SERF2: variants seen among roughly 807,000 people sequenced by gnomAD.
SERF2 encodes the protein small EDRK-rich factor 2.
SERF2 carries 4 observed loss-of-function variants against 10.7 expected under a neutral mutation model. That is an observed-to-expected ratio of 0.37 (90% CI 0.18 to 0.86). The LOEUF (loss-of-function observed/expected upper bound fraction) is 0.86, where lower values mean the gene tolerates loss of function less well. SERF2 is among the 40% of genes least tolerant of loss of function. SERF2 has a pLI of 0.43. For synonymous variants in SERF2, 26 were observed against 26.0 expected, an observed-to-expected ratio of 1.00 and a Z score of 0.01; for missense variants, 47 against 79.1, an observed-to-expected ratio of 0.59 and a Z score of 1.54.
chr15:43,791,558 G>GGGTGGCT (rs1229344552), upstream of SERF2, among the ~76,000 whole-genome samples: 14 of 152,186 alleles, frequency 9.2e-5, no homozygotes, highest in African/African-American at 3.4e-4. Context: ...ATACAAAACC[G>GGGTGGCT]GGTGGCTGGT....
rs1168968361 is a variant in SERF2, at chr15:43,780,696, G to A, written c.-527+3194G>A. Among the ~76,000 whole-genome samples, 3 of 152,086 alleles carry A rather than the reference G, an allele frequency of 2.0e-5. No individual in the cohort carries two copies. In the East Asian group the frequency reaches 5.8e-4, roughly 29 times the overall value. On this transcript the variant is annotated intron_variant, in intron 1 of 4. Coordinates refer to the SERF2 transcript ENST00000381359. ...CAGGGAAGTTCCAAGGCCCTCAGTGGATGCCTGAAACTGCAGATAATACTG... is the reference window on the plus strand; with the variant it reads ...CAGGGAAGTTCCAAGGCCCTCAGTGAATGCCTGAAACTGCAGATAATACTG...
chr15:43,795,285 A>G lies in SERF2; in HGVS notation c.*1512A>G, dbSNP rs2087181958. The G allele has an allele frequency of 1.9e-6, 3 of 1,590,804 alleles. No individual in the cohort carries two copies. The highest frequency in any genetic ancestry group is 1.7e-5 in the Admixed American group (1 of 59,618). The stretch of plus-strand genomic sequence containing the variant: ...TTTAGACCTGTTCTACCTCCTCACC[A>G]AATATAATGGCAGACCCATGTGTGT... On this transcript the variant is annotated 3_prime_UTR_variant, in exon 3 of 3. Transcript: ENST00000249786.
At chr15:43,780,315 A>ATT (rs57338507) in intron 1 of SERF2, among the ~76,000 whole-genome samples, 39 of 150,994 alleles carry the variant, frequency 2.6e-4, no homozygotes, top group African/African-American at 8.3e-4. Context: ...AATTTTTTGT[A>ATT]TTTTTTTTAG....
chr15:43,793,477 C>T, intron 2 of SERF2: 1 of 1,236,302 alleles, frequency 8.1e-7, no homozygotes. Context: ...GAATAGAGAC[C>T]CTTGGGCCTG....
intron 1 of SERF2, among the ~76,000 whole-genome samples, chr15:43,779,482 A>AG (rs905291401): frequency 6.6e-6 from 1 of 152,116 alleles, no homozygotes; most frequent in Admixed American, 6.6e-5. Flanking sequence ...GGGAAAAAAA[A>AG]TTACATATTT....
chr15:43,791,623 C>A (rs946643071), upstream of SERF2, among the ~76,000 whole-genome samples: 1 of 152,348 alleles, frequency 6.6e-6, no homozygotes, highest in East Asian at 1.9e-4. Flanking sequence ...TGTGAATTAT[C>A]TAATCTCAGC....
At chr15:43,784,264 C>T (rs535550576) in intron 1 of SERF2, among the ~76,000 whole-genome samples, 4 of 152,178 alleles carry the variant, frequency 2.6e-5, no homozygotes, top group Admixed American at 6.5e-5. Context: ...ATTGTCTTCT[C>T]GTTTCCAGTG....
At position 43,793,877 on chromosome 15, in the gene SERF2, G is replaced by A. The variant is rs757746110; in HGVS notation, c.*104G>A. 1.9e-6 allele frequency: 3 copies of A among 1,608,306 alleles called. No homozygotes were observed. Among genetic ancestry groups the A allele is most frequent in the African/African-American group, 2.7e-5 (2 of 74,860 alleles). ...TGTAGTGCTCACAGGTCCCAGCACC[G>A]ATGGCATTCCCTTTGCCCTGAGTCT... On this transcript the variant is annotated 3_prime_UTR_variant, in exon 3 of 3. Transcript: ENST00000249786.
chr15:43,790,120 C>T (rs1386155568), upstream of SERF2, among the ~76,000 whole-genome samples: 3 of 143,348 alleles, frequency 2.1e-5, no homozygotes, highest in Non-Finnish European at 3.0e-5. Flanking sequence ...CCAACCTGGG[C>T]GACAGAGCAA....
chr15:43,780,530 T>C (rs2086956366), intron 1 of SERF2, among the ~76,000 whole-genome samples: 1 of 152,144 alleles, frequency 6.6e-6, no homozygotes, highest in Non-Finnish European at 1.5e-5. Context: ...CTCTTTATCT[T>C]GGAAAACTGA....
chr15:43,792,738 A>G (rs926292503), intron 1 of SERF2: 1 of 836,028 alleles, frequency 1.2e-6, no homozygotes, highest in Non-Finnish European at 1.8e-6. Context: ...CGCCGCCCCA[A>G]AACACGCCTC....
intron 1 of SERF2, among the ~76,000 whole-genome samples, chr15:43,783,106 C>A (rs1596032986): frequency 1.3e-5 from 2 of 150,628 alleles, no homozygotes; most frequent in Non-Finnish European, 2.9e-5. Flanking sequence ...CTCCCGGGTT[C>A]AAGCCACTCT....
At chr15:43,782,923 C>A (rs549832252) in intron 1 of SERF2, among the ~76,000 whole-genome samples, 3 of 151,472 alleles carry the variant, frequency 2.0e-5, no homozygotes, top group African/African-American at 7.3e-5. Flanking sequence ...CGGCTCACTG[C>A]AACCTCTGCC....
At chr15:43,793,638 C>T (rs752003521) in intron 2 of SERF2, 72 bp from the exon 3 acceptor site, 1 of 1,613,006 alleles carries the variant, frequency 6.2e-7, no homozygotes, top group Non-Finnish European at 8.5e-7. Flanking sequence ...ATCCTTTGTG[C>T]CCTTCATCCC....
chr15:43,795,955 C>T lies in SERF2; in HGVS notation c.*2182C>T. 1 of 639,984 alleles carries T rather than the reference C, an allele frequency of 1.6e-6. No homozygotes were observed. 39.6% of individuals were successfully genotyped at this position (639,984 alleles called of 1,614,324 possible). A position where few individuals can be genotyped will look rare whatever the true frequency, so the allele number is the denominator to read the frequency against. On this transcript the variant is annotated 3_prime_UTR_variant, in exon 3 of 3. Transcript: ENST00000249786. ...ATTTGTAAAATGGAGCAAATACCTA[C>T]CTCACAGGGTTGTTGTGAGGGTTAA... is the stretch of plus-strand genomic sequence containing the variant.
In SERF2 at chr15:43,795,617, A is replaced by C. The variant is rs373346812; in HGVS notation, c.*1844A>C. ...CCCTCTCCCCCAACTACCTTTGTTA[A>C]GGCTCTTGAGGGTTCTTATGGCACT... On this transcript the variant is annotated 3_prime_UTR_variant, in exon 3 of 3. Coordinates refer to ENST00000249786, the MANE Select transcript of SERF2 (RefSeq NM_001018108.4). 7.8e-5 allele frequency: 125 copies of C among 1,610,802 alleles called. No homozygotes were observed. The Middle Eastern group carries it at 5.5e-3, about 70-fold the overall frequency.
At chr15:43,780,082 A>C (rs2086952301) in intron 1 of SERF2, among the ~76,000 whole-genome samples, 1 of 152,212 alleles carries the variant, frequency 6.6e-6, no homozygotes, top group South Asian at 2.1e-4. Context: ...TTATATGTGA[A>C]TATAATTGTT....
At chr15:43,778,273 A>C (rs2086937307) in intron 1 of SERF2, among the ~76,000 whole-genome samples, 1 of 152,010 alleles carries the variant, frequency 6.6e-6, no homozygotes. Context: ...AATACACATA[A>C]AATTTGTATG....
chr15:43,794,895 GATAACTCC>G lies in SERF2; in HGVS notation c.*1123_*1130del. On this transcript the variant is annotated 3_prime_UTR_variant, in exon 3 of 3. Transcript: ENST00000249786. ...TAGTATTGACTTCAGCCCAAACGGA[GATAACTCC>G]CTGTGTGTCCTTGAGGTATTGAGCT... 1.2e-6 allele frequency: 1 copy of G among 857,242 alleles called. No individual in the cohort carries two copies. The highest frequency in any genetic ancestry group is 1.8e-6 in the Non-Finnish European group (1 of 544,518). 53.1% of individuals were successfully genotyped at this position (857,242 alleles called of 1,614,324 possible).
Sources: allele counts gnomAD v4.1 joint callset (sites outside exome capture counted in the v4.1 genomes callset), GRCh38; gene constraint gnomAD v4.1.1; transcripts MANE v1.5; gene names NCBI Gene and HGNC (gene_info 2026-07-23, HGNC 2026-07-21).